The following PRKG1 variants were observed in gnomAD, a reference collection of about 807,000 sequenced individuals.
PRKG1 encodes the protein protein kinase cGMP-dependent 1.
A neutral mutation model predicts 88.1 loss-of-function variants in PRKG1; 35 were observed. The ratio of observed to expected loss-of-function variants is 0.40; its 90% CI spans 0.30 to 0.53. The LOEUF (loss-of-function observed/expected upper bound fraction) is 0.53. Ranked by LOEUF, PRKG1 falls within the 20% of genes least tolerant of loss-of-function variation. PRKG1 has a pLI of 0.59. For synonymous variants in PRKG1, 303 were observed against 292.5 expected (o/e 1.04, Z -0.37); for missense variants, 540 against 839.8 (o/e 0.64, Z 4.41).
At chr10:52,191,160 C>T (rs1425085529) in intron 9 of PRKG1, among the ~76,000 whole-genome samples, 3 of 151,912 alleles carry the variant, frequency 2.0e-5, no homozygotes, top group Non-Finnish European at 4.4e-5. Flanking sequence ...TCCTATTAGG[C>T]ATTTTGTTTT....
intron 2 of PRKG1, among the ~76,000 whole-genome samples, chr10:51,266,562 G>T (rs571295233): frequency 1.3e-5 from 2 of 152,302 alleles, no homozygotes; most frequent in African/African-American, 2.4e-5. Context: ...ATTGCTTAAA[G>T]TTTTGAGAAA....
intron 1 of PRKG1, among the ~76,000 whole-genome samples, chr10:51,034,368 A>G (rs1163153288): frequency 1.3e-5 from 2 of 152,020 alleles, no homozygotes; most frequent in African/African-American, 4.8e-5. Context: ...TTAATCTGTG[A>G]GACAGACAGA....
Position 52,003,053 on chromosome 10 carries a change from C to G in PRKG1, c.763-51431C>G, listed in dbSNP as rs1157624021. ...AACTCTGTCTCTGCATTTCTTTCACCAAATGCCTCCTTGCATGGTGTTTAA... is the reference window on the plus strand; with the variant it reads ...AACTCTGTCTCTGCATTTCTTTCACGAAATGCCTCCTTGCATGGTGTTTAA... On this transcript the variant is annotated intron_variant, in intron 5 of 17. Transcript: ENST00000373980. Among the ~76,000 whole-genome samples the G allele has an allele frequency of 2.6e-5, 4 of 152,278 alleles. No individual in the cohort carries two copies. The East Asian group carries it at 7.7e-4, about 29-fold the overall frequency.
intron 9 of PRKG1, among the ~76,000 whole-genome samples, chr10:52,234,683 G>C (rs1350205504): frequency 7.9e-6 from 1 of 125,820 alleles, no homozygotes; most frequent in Non-Finnish European, 1.6e-5. Flanking sequence ...CCAAATCTAC[G>C]TCTGATTGGT....
At chr10:51,221,876 C>CTTT (rs11405552) in intron 2 of PRKG1, among the ~76,000 whole-genome samples, 6 of 127,152 alleles carry the variant, frequency 4.7e-5, no homozygotes, top group East Asian at 2.2e-4. Context: ...TCTTTTCTTT[C>CTTT]TTTTTTTTTT....
At chr10:51,228,670 A>T (rs750705267) in intron 2 of PRKG1, among the ~76,000 whole-genome samples, 1 of 152,230 alleles carries the variant, frequency 6.6e-6, no homozygotes, top group South Asian at 2.1e-4. Flanking sequence ...TTCTTCTTAG[A>T]AAAGTTGCTG....
At chr10:51,382,189 G>T (rs979692066) in intron 2 of PRKG1, among the ~76,000 whole-genome samples, 2 of 152,056 alleles carry the variant, frequency 1.3e-5, no homozygotes, top group African/African-American at 4.8e-5. Flanking sequence ...CAAATTTAAA[G>T]AGTTATGAAT....
At chr10:51,000,170 A>G (rs549388234) in intron 1 of PRKG1, among the ~76,000 whole-genome samples, 57 of 152,344 alleles carry the variant, frequency 3.7e-4, no homozygotes, top group African/African-American at 1.3e-3. Flanking sequence ...TGTAAGGTAG[A>G]AATGAGTAAA....
intron 5 of PRKG1, among the ~76,000 whole-genome samples, chr10:52,047,219 A>G (rs1845882433): frequency 6.6e-6 from 1 of 152,146 alleles, no homozygotes; most frequent in African/African-American, 2.4e-5. Flanking sequence ...CTTTTAGAGG[A>G]TAGGAAGGAG....
chr10:51,536,967 C>A (rs1842172500), intron 3 of PRKG1, among the ~76,000 whole-genome samples: 1 of 151,942 alleles, frequency 6.6e-6, no homozygotes, highest in African/African-American at 2.4e-5. Flanking sequence ...CCTATGTTTT[C>A]TTCTAGGATT....
At chr10:51,157,360 C>T (rs561779904) in intron 2 of PRKG1, among the ~76,000 whole-genome samples, 6 of 151,854 alleles carry the variant, frequency 4.0e-5, no homozygotes, top group Non-Finnish European at 5.9e-5. Context: ...GCTTAAAGCT[C>T]GTTTTATGTT....
intron 3 of PRKG1, among the ~76,000 whole-genome samples, chr10:51,763,301 A>G (rs1838070545): frequency 1.3e-5 from 2 of 152,102 alleles, no homozygotes; most frequent in African/African-American, 4.8e-5. Context: ...GCACAATCCT[A>G]GCTCACTACA....
At chr10:51,691,594 G>C (rs915105797) in intron 3 of PRKG1, among the ~76,000 whole-genome samples, 1 of 152,144 alleles carries the variant, frequency 6.6e-6, no homozygotes, top group Non-Finnish European at 1.5e-5. Context: ...GGGATTGCAG[G>C]CGTGAGATAC....
intron 4 of PRKG1, among the ~76,000 whole-genome samples, chr10:51,823,120 T>C (rs1021469645): frequency 3.9e-5 from 6 of 152,164 alleles, no homozygotes; most frequent in African/African-American, 1.4e-4. Context: ...CCAGTCACTA[T>C]TTAACATGGT....
At chr10:51,399,073 G>T (rs1257065465) in intron 2 of PRKG1, among the ~76,000 whole-genome samples, 1 of 151,706 alleles carries the variant, frequency 6.6e-6, no homozygotes, top group Non-Finnish European at 1.5e-5. Context: ...TAATTTTATT[G>T]TATATAAATC....
At chr10:51,233,173 A>G (rs1369591380) in intron 2 of PRKG1, among the ~76,000 whole-genome samples, 1 of 152,196 alleles carries the variant, frequency 6.6e-6, no homozygotes, top group Non-Finnish European at 1.5e-5. Context: ...GAGAGCTAGA[A>G]GGAGCAATGT....
chr10:52,094,898 T>C (rs1353485084), intron 7 of PRKG1, among the ~76,000 whole-genome samples: 1 of 152,204 alleles, frequency 6.6e-6, no homozygotes, highest in East Asian at 1.9e-4. Flanking sequence ...ACCTATGAAT[T>C]TGAGAGGTCA....
At chr10:52,192,090 AT>A in intron 9 of PRKG1, among the ~76,000 whole-genome samples, 1 of 152,068 alleles carries the variant, frequency 6.6e-6, no homozygotes, top group East Asian at 1.9e-4. Context: ...GCACATTTAA[AT>A]TTTTTCCACA....
intron 3 of PRKG1, among the ~76,000 whole-genome samples, chr10:51,729,665 C>A (rs1441123954): frequency 4.3e-5 from 5 of 115,024 alleles, no homozygotes; most frequent in Non-Finnish European, 6.5e-5. Flanking sequence ...CGAGGTCATG[C>A]AACTGCACTC....
Sources: allele counts gnomAD v4.1 joint callset (sites outside exome capture counted in the v4.1 genomes callset), GRCh38; gene constraint gnomAD v4.1.1; transcripts MANE v1.5; gene names NCBI Gene and HGNC (gene_info 2026-07-23, HGNC 2026-07-21).